Variants in YAP1 observed in about 807,000 individuals in gnomAD.
The protein encoded by YAP1 is Yes1 associated transcriptional regulator, also known as transcriptional coactivator YAP1.
YAP1 carries 5 observed loss-of-function variants against 56.9 expected under a neutral mutation model. The observed-to-expected ratio is 0.09, with a 90% CI of 0.05 to 0.18. The LOEUF (loss-of-function observed/expected upper bound fraction) is 0.18, where lower values mean the gene tolerates loss of function less well. Ranked by LOEUF, YAP1 falls within the 10% of genes least tolerant of loss-of-function variation. YAP1 has a pLI of 1.00. For missense variants in YAP1, 539 were observed against 651.8 expected, an observed-to-expected ratio of 0.83 and a Z score of 1.88; for synonymous variants, 265 against 248.1, an observed-to-expected ratio of 1.07 and a Z score of -0.64.
intron 4 of YAP1, among the ~76,000 whole-genome samples, chr11:102,202,133 G>A (rs759523208): frequency 3.3e-5 from 5 of 151,578 alleles, no homozygotes; most frequent in South Asian, 4.2e-4. Context: ...TTTTCCCTTC[G>A]CTCCAGGTAG....
At chr11:102,153,416 C>CTTTT (rs577248244) in intron 2 of YAP1, among the ~76,000 whole-genome samples, 1 of 152,136 alleles carries the variant, frequency 6.6e-6, no homozygotes, top group African/African-American at 2.4e-5. Flanking sequence ...ACTTTGTCTT[C>CTTTT]TTTTTAAAAA....
chr11:102,137,501 G>A (rs186575896), intron 2 of YAP1, among the ~76,000 whole-genome samples: 40 of 152,234 alleles, frequency 2.6e-4, no homozygotes, highest in African/African-American at 7.0e-4. Context: ...ATGAATGTTC[G>A]CTGTACAAGT....
chr11:102,192,606 T>G (rs1042304760), intron 4 of YAP1, among the ~76,000 whole-genome samples: 1 of 152,232 alleles, frequency 6.6e-6, no homozygotes, highest in Admixed American at 6.5e-5. Flanking sequence ...GATACCTAAC[T>G]TCTCTTGACT....
chr11:102,150,360 A>G (rs1945567054), intron 2 of YAP1, among the ~76,000 whole-genome samples: 2 of 152,168 alleles, frequency 1.3e-5, no homozygotes. Flanking sequence ...AAGAAGTTTC[A>G]GAATGTTTTG....
chr11:102,220,003 G>T (rs1018249022), intron 6 of YAP1, among the ~76,000 whole-genome samples: 1 of 151,856 alleles, frequency 6.6e-6, no homozygotes. Context: ...CAAAGTGCTG[G>T]GATTACAGGC....
intron 4 of YAP1, among the ~76,000 whole-genome samples, chr11:102,195,441 G>T (rs1948523979): frequency 1.3e-5 from 2 of 152,254 alleles, no homozygotes; most frequent in East Asian, 3.9e-4. Flanking sequence ...AATCCAGTTT[G>T]GGGAGGCTGG....
intron 5 of YAP1, among the ~76,000 whole-genome samples, chr11:102,206,727 C>T (rs1321289391): frequency 6.6e-6 from 1 of 152,152 alleles, no homozygotes; most frequent in Non-Finnish European, 1.5e-5. Flanking sequence ...CCTGTAATCT[C>T]AACTTCTCAG....
At chr11:102,118,605 G>T (rs987753553) in intron 2 of YAP1, among the ~76,000 whole-genome samples, 13 of 151,224 alleles carry the variant, frequency 8.6e-5, no homozygotes, top group Admixed American at 2.6e-4. Context: ...ACAAAAATTA[G>T]CCGGGTGTGT....
intron 2 of YAP1, among the ~76,000 whole-genome samples, chr11:102,141,550 T>G (rs1945025833): frequency 2.0e-5 from 3 of 152,228 alleles, no homozygotes; most frequent in South Asian, 2.1e-4. Context: ...AAGAGAGACT[T>G]ACTTCTGTGT....
chr11:102,134,804 G>A (rs1177592103), intron 2 of YAP1, among the ~76,000 whole-genome samples: 2 of 152,134 alleles, frequency 1.3e-5, no homozygotes, highest in Non-Finnish European at 2.9e-5. Context: ...GACCTCCTGG[G>A]CTGAAGCGAT....
chr11:102,224,849 AG>A (rs1177976667), intron 7 of YAP1, among the ~76,000 whole-genome samples: 2 of 152,264 alleles, frequency 1.3e-5, no homozygotes, highest in Non-Finnish European at 2.9e-5. Context: ...AGAGAGGCAT[AG>A]CCTCAGAACT....
Position 102,230,905 on chromosome 11 carries a change from G to A in YAP1, c.*965G>A, listed in dbSNP as rs1465760221. ...CAAACATAACATTTATAATAGTGTGGTAGTGGAATGTATCCTTTTTTAGGT... is the reference window on the plus strand; with the variant it reads ...CAAACATAACATTTATAATAGTGTGATAGTGGAATGTATCCTTTTTTAGGT... On this transcript the variant is annotated 3_prime_UTR_variant, in exon 9 of 9. Transcript: ENST00000282441. 1 of 152,086 alleles carries A rather than the reference G, an allele frequency of 6.6e-6. No homozygotes were observed. Among genetic ancestry groups the A allele is most frequent in the African/African-American group, 2.4e-5 (1 of 41,400 alleles). 9.4% of individuals were successfully genotyped at this position (152,086 alleles called of 1,614,324 possible). A position where few individuals can be genotyped will look rare whatever the true frequency, so the allele number is the denominator to read the frequency against.
At chr11:102,204,136 C>T (rs1949008279) in intron 4 of YAP1, among the ~76,000 whole-genome samples, 1 of 150,358 alleles carries the variant, frequency 6.7e-6, no homozygotes, top group Non-Finnish European at 1.5e-5. Flanking sequence ...TGATGCTCGC[C>T]TGCAGTCTCA....
intron 2 of YAP1, among the ~76,000 whole-genome samples, chr11:102,153,895 A>C (rs904835850): frequency 2.6e-5 from 4 of 151,884 alleles, no homozygotes; most frequent in Non-Finnish European, 5.9e-5. Flanking sequence ...CTGTGAACCC[A>C]CCTTCTGTGT....
At chr11:102,144,005 G>A (rs1435064401) in intron 2 of YAP1, among the ~76,000 whole-genome samples, 1 of 152,200 alleles carries the variant, frequency 6.6e-6, no homozygotes, top group African/African-American at 2.4e-5. Flanking sequence ...CTAAGCAAAT[G>A]TAGAGGCTGA....
rs749415278 is a variant in YAP1, at chr11:102,229,966, A to G, written c.*26A>G. On this transcript the variant is annotated 3_prime_UTR_variant, in exon 9 of 9. Coordinates refer to ENST00000282441, the MANE Select transcript of YAP1 (RefSeq NM_001130145.3). ...AGCCCTCAGGCAGACTGAATTCTAA[A>G]TCTGTGAAGGATCTAAGGAGACACA... 2.2e-5 allele frequency: 35 copies of G among 1,597,774 alleles called. No homozygotes were observed. The highest frequency in any genetic ancestry group is 2.9e-5 in the Non-Finnish European group (34 of 1,165,736).
At chr11:102,182,521 T>G (rs1172885714) in intron 3 of YAP1, among the ~76,000 whole-genome samples, 1 of 152,226 alleles carries the variant, frequency 6.6e-6, no homozygotes. Flanking sequence ...AACAGTTAGT[T>G]TAAGAGAATG....
chr11:102,205,854 A>G (rs1949092514), intron 4 of YAP1, 39 bp from the exon 5 acceptor site: 1 of 1,453,828 alleles, frequency 6.9e-7, no homozygotes, highest in Non-Finnish European at 9.1e-7. Flanking sequence ...TTCCTTCACT[A>G]GTTTTTTAGG....
chr11:102,139,912 TTG>T (rs1944908852), intron 2 of YAP1, among the ~76,000 whole-genome samples: 1 of 152,162 alleles, frequency 6.6e-6, no homozygotes. Flanking sequence ...AATAGCCTAA[TTG>T]TGTTTTTTAT....
Sources: gnomAD v4.1 joint callset for allele counts (sites outside exome capture counted in the v4.1 genomes callset) on GRCh38, gnomAD v4.1.1 for gene constraint, MANE v1.5 for transcripts, NCBI Gene and HGNC (gene_info 2026-07-23, HGNC 2026-07-21) for gene names.